SOBP: variants seen among roughly 807,000 people sequenced by gnomAD.
The protein encoded by SOBP is sine oculis-binding protein homolog.
SOBP carries 4 observed loss-of-function variants against 53.6 expected under a neutral mutation model. The ratio of observed to expected loss-of-function variants is 0.07; its 90% CI spans 0.04 to 0.17. The LOEUF is 0.17. SOBP is among the 10% of genes least tolerant of loss of function. The pLI is 1.00. For missense variants in SOBP, 1,088 were observed against 1,204.7 expected, an observed-to-expected ratio of 0.90 and a Z score of 1.43; for synonymous variants, 584 against 522.6, an observed-to-expected ratio of 1.12 and a Z score of -1.60.
At chr6:107,518,576 C>A (rs1225246361) in intron 3 of SOBP, among the ~76,000 whole-genome samples, 2 of 152,126 alleles carry the variant, frequency 1.3e-5, no homozygotes, top group Non-Finnish European at 2.9e-5. Flanking sequence ...ATAAAATAAT[C>A]TTCATAGCAG....
At chr6:107,520,251 T>A (rs530560594) in intron 3 of SOBP, among the ~76,000 whole-genome samples, 3 of 152,330 alleles carry the variant, frequency 2.0e-5, no homozygotes, top group African/African-American at 7.2e-5. Context: ...GTAAAAAGAA[T>A]ATCCTTTGCC....
At chr6:107,564,719 G>T (rs1222998578) in intron 4 of SOBP, among the ~76,000 whole-genome samples, 2 of 152,154 alleles carry the variant, frequency 1.3e-5, no homozygotes, top group Non-Finnish European at 2.9e-5. Flanking sequence ...CTTTCAGGCC[G>T]ATACTTTATT....
At chr6:107,505,458 G>T (rs938289145) in intron 2 of SOBP, among the ~76,000 whole-genome samples, 1 of 151,994 alleles carries the variant, frequency 6.6e-6, no homozygotes, top group Non-Finnish European at 1.5e-5. Flanking sequence ...AAGTAGCTGG[G>T]ATTACAGGCG....
At chr6:107,648,864 A>G (rs1771675187) in intron 6 of SOBP, among the ~76,000 whole-genome samples, 1 of 152,176 alleles carries the variant, frequency 6.6e-6, no homozygotes, top group African/African-American at 2.4e-5. Context: ...ATAAGTATAT[A>G]AAAATGCCTG....
intron 5 of SOBP, among the ~76,000 whole-genome samples, chr6:107,616,120 G>A (rs1418216616): frequency 2.7e-5 from 4 of 150,820 alleles, no homozygotes; most frequent in African/African-American, 7.3e-5. Flanking sequence ...AGCCATTGTG[G>A]AGTCTCTAAT....
intron 5 of SOBP, among the ~76,000 whole-genome samples, chr6:107,596,374 G>A (rs1439921072): frequency 6.6e-6 from 1 of 151,980 alleles, no homozygotes; most frequent in African/African-American, 2.4e-5. Context: ...ATTATTTGAT[G>A]AATGAATATA....
At position 107,594,709 on chromosome 6, in the gene SOBP, C is replaced by T. The variant is rs1030647492; in HGVS notation, c.669+7534C>T. Among the ~76,000 whole-genome samples, 9 of 152,288 alleles carry T rather than the reference C, an allele frequency of 5.9e-5. No homozygotes were observed. The South Asian group carries it at 8.3e-4, about 14-fold the overall frequency. Reference sequence around the variant, plus strand: ...ACAAGAAATCCTCCTTTGTGAGGCACCTCCAATGAACAAGCACTGTGATCT... The same window carrying T: ...ACAAGAAATCCTCCTTTGTGAGGCATCTCCAATGAACAAGCACTGTGATCT... On this transcript the variant is annotated intron_variant, in intron 5 of 6. Transcript: ENST00000317357.
intron 5 of SOBP, among the ~76,000 whole-genome samples, chr6:107,623,517 A>AG (rs1770314956): frequency 6.6e-6 from 1 of 151,196 alleles, no homozygotes; most frequent in Admixed American, 6.6e-5. Context: ...ATCCCAAGTC[A>AG]GGGGGAGAGA....
In SOBP at chr6:107,656,504, G is replaced by A. The variant is rs1417855771; in HGVS notation, c.*4-1703G>A. On this transcript the variant is annotated intron_variant, in intron 6 of 6. Transcript: ENST00000317357. ...TTGTGGTGTTTTGCATTTTCACTTT[G>A]GTTATTTAATATACATATTAAGTAC... is the stretch of plus-strand genomic sequence containing the variant. Among the ~76,000 whole-genome samples, 5 of 152,044 alleles carry A rather than the reference G, an allele frequency of 3.3e-5. No individual in the cohort carries two copies. In the East Asian group the frequency reaches 9.6e-4, roughly 29 times the overall value.
chr6:107,612,162 T>C (rs1172342284), intron 5 of SOBP, among the ~76,000 whole-genome samples: 1 of 152,156 alleles, frequency 6.6e-6, no homozygotes, highest in Non-Finnish European at 1.5e-5. Flanking sequence ...CATTCTGACT[T>C]GCACCTGTTC....
intron 4 of SOBP, among the ~76,000 whole-genome samples, chr6:107,583,542 T>A (rs924948833): frequency 1.3e-5 from 2 of 152,216 alleles, no homozygotes; most frequent in Admixed American, 6.5e-5. Flanking sequence ...TTTTCTTTTT[T>A]TGAGACAGAG....
chr6:107,515,165 A>T (rs575240190), intron 3 of SOBP: 3 of 152,244 alleles, frequency 2.0e-5, no homozygotes, highest in Non-Finnish European at 4.4e-5. Flanking sequence ...ACCAAAACAG[A>T]CAGAAGAAAT....
At chr6:107,551,158 C>G (rs1784448240) in intron 4 of SOBP, among the ~76,000 whole-genome samples, 1 of 152,130 alleles carries the variant, frequency 6.6e-6, no homozygotes, top group Non-Finnish European at 1.5e-5. Context: ...AAGTGACTTG[C>G]AGGGGCCACA....
chr6:107,504,894 A>G (rs2114946928), intron 2 of SOBP, among the ~76,000 whole-genome samples: 1 of 152,364 alleles, frequency 6.6e-6, no homozygotes, highest in South Asian at 2.1e-4. Context: ...TCTATAAACT[A>G]ATAGCTCATA....
chr6:107,629,862 A>C (rs1770628418), intron 5 of SOBP, among the ~76,000 whole-genome samples: 1 of 152,218 alleles, frequency 6.6e-6, no homozygotes, highest in African/African-American at 2.4e-5. Flanking sequence ...CAGGAAGGTA[A>C]ATTTAATCTT....
intron 3 of SOBP, among the ~76,000 whole-genome samples, chr6:107,510,160 T>C (rs1783125839): frequency 6.6e-6 from 1 of 152,192 alleles, no homozygotes; most frequent in Non-Finnish European, 1.5e-5. Context: ...TCTTCTGTTG[T>C]AGCAGAAAGA....
At chr6:107,622,476 G>A (rs912152344) in intron 5 of SOBP, among the ~76,000 whole-genome samples, 1 of 152,216 alleles carries the variant, frequency 6.6e-6, no homozygotes, top group Non-Finnish European at 1.5e-5. Context: ...TTCTTCTCAA[G>A]AGTAAACAAA....
intron 5 of SOBP, among the ~76,000 whole-genome samples, chr6:107,613,909 C>T (rs1442119564): frequency 6.6e-6 from 1 of 152,150 alleles, no homozygotes; most frequent in Non-Finnish European, 1.5e-5. Flanking sequence ...GTAGAATATA[C>T]CTAAGGCAGA....
intron 1 of SOBP, among the ~76,000 whole-genome samples, chr6:107,500,208 A>C (rs565461926): frequency 6.6e-6 from 1 of 152,060 alleles, no homozygotes; most frequent in Non-Finnish European, 1.5e-5. Context: ...CCTTGCCAAC[A>C]TGGTGAGCCC....
Sources: gnomAD v4.1 joint callset for allele counts (sites outside exome capture counted in the v4.1 genomes callset) on GRCh38, gnomAD v4.1.1 for gene constraint, MANE v1.5 for transcripts, NCBI Gene and HGNC (gene_info 2026-07-23, HGNC 2026-07-21) for gene names.